PLPP4: variants seen among roughly 807,000 people sequenced by gnomAD.
PLPP4 encodes the protein diacylglycerol pyrophosphate like 2.
PLPP4 carries 20 observed loss-of-function variants against 32.2 expected under a neutral mutation model. That is an observed-to-expected ratio of 0.62 (90% CI 0.44 to 0.90). The LOEUF (loss-of-function observed/expected upper bound fraction) is 0.90, where lower values mean the gene tolerates loss of function less well. PLPP4 is among the 40% of genes least tolerant of loss of function. PLPP4 has a pLI of 0.00. For synonymous variants in PLPP4, 127 were observed against 133.0 expected (o/e 0.95, Z 0.31); for missense variants, 257 against 353.1 (o/e 0.73, Z 2.18).
At chr10:120,568,335 C>T (rs1848779316) in intron 5 of PLPP4, among the ~76,000 whole-genome samples, 2 of 152,210 alleles carry the variant, frequency 1.3e-5, no homozygotes, top group South Asian at 2.1e-4. Flanking sequence ...GGTTCTTCTT[C>T]TCTAGCAAAC....
At chr10:120,486,524 G>A (rs971485160) in intron 1 of PLPP4, among the ~76,000 whole-genome samples, 5 of 152,178 alleles carry the variant, frequency 3.3e-5, no homozygotes, top group Non-Finnish European at 5.9e-5. Flanking sequence ...TGGTTGTGAG[G>A]TTGAAAAGAC....
chr10:120,590,248 CCTCATACAGTGAATT>C lies in PLPP4; in HGVS notation c.*747_*761del, dbSNP rs1266001197. Reference sequence around the variant, plus strand: ...TTATGGAGCCACTTCTGTAGCTCTGCCTCATACAGTGAATTTTTGGGGCACGGGGGCTTTACTTGG... The same window carrying C: ...TTATGGAGCCACTTCTGTAGCTCTGCTTTGGGGCACGGGGGCTTTACTTGG... On this transcript the variant is annotated 3_prime_UTR_variant, in exon 7 of 7. Transcript: ENST00000398250. 1.3e-5 allele frequency among the ~76,000 whole-genome samples: 2 copies of C among 152,158 alleles called. No homozygotes were observed. Among genetic ancestry groups the C allele is most frequent in the Non-Finnish European group, 2.9e-5 (2 of 68,038 alleles).
chr10:120,460,036 C>G (rs1337920002), intron 1 of PLPP4, among the ~76,000 whole-genome samples: 2 of 152,152 alleles, frequency 1.3e-5, no homozygotes, highest in Non-Finnish European at 2.9e-5. Flanking sequence ...ACCCCCGCTC[C>G]CGCAACCAAC....
chr10:120,550,018 G>A (rs1314129833), intron 5 of PLPP4, among the ~76,000 whole-genome samples: 1 of 151,822 alleles, frequency 6.6e-6, no homozygotes, highest in Non-Finnish European at 1.5e-5. Context: ...AAAATAAAAG[G>A]CAAGGAAGAA....
At chr10:120,502,595 C>T (rs1328938701) in intron 1 of PLPP4, among the ~76,000 whole-genome samples, 1 of 152,084 alleles carries the variant, frequency 6.6e-6, no homozygotes, top group Non-Finnish European at 1.5e-5. Flanking sequence ...CAGTGACAGC[C>T]CTGGAGTGGC....
At chr10:120,579,227 A>C (rs368029235) in intron 6 of PLPP4, among the ~76,000 whole-genome samples, 28 of 152,272 alleles carry the variant, frequency 1.8e-4, no homozygotes, top group African/African-American at 6.3e-4. Context: ...CTCTAATCAT[A>C]GGTCATTTTA....
At chr10:120,497,991 G>A (rs1845051852) in intron 1 of PLPP4, among the ~76,000 whole-genome samples, 1 of 151,938 alleles carries the variant, frequency 6.6e-6, no homozygotes, top group African/African-American at 2.4e-5. Context: ...AGTGAGCAGA[G>A]ATCGCACCAC....
intron 5 of PLPP4, among the ~76,000 whole-genome samples, chr10:120,523,828 C>G (rs1301300607): frequency 1.3e-5 from 2 of 152,188 alleles, no homozygotes; most frequent in African/African-American, 4.8e-5. Flanking sequence ...GCACAATTTA[C>G]TGTCTACTGT....
intron 5 of PLPP4, among the ~76,000 whole-genome samples, chr10:120,537,015 C>T (rs1847062557): frequency 6.6e-6 from 1 of 152,124 alleles, no homozygotes; most frequent in African/African-American, 2.4e-5. Context: ...GTTAGGATGG[C>T]TATTATCAAA....
intron 5 of PLPP4, among the ~76,000 whole-genome samples, chr10:120,530,125 G>C (rs1303747962): frequency 6.6e-6 from 1 of 152,148 alleles, no homozygotes; most frequent in East Asian, 1.9e-4. Context: ...CAATGATGAT[G>C]ATTCTTAAAG....
intron 5 of PLPP4, among the ~76,000 whole-genome samples, chr10:120,541,152 G>C (rs551145815): frequency 6.6e-6 from 1 of 152,178 alleles, no homozygotes; most frequent in Non-Finnish European, 1.5e-5. Context: ...TCGTATTTAA[G>C]TATGTTTCTA....
intron 3 of PLPP4, among the ~76,000 whole-genome samples, chr10:120,517,033 G>T (rs1318455272): frequency 6.6e-6 from 1 of 152,162 alleles, no homozygotes; most frequent in Non-Finnish European, 1.5e-5. Flanking sequence ...ACATTTTCCA[G>T]CTCAGCTATT....
At chr10:120,515,077 G>T (rs543273897) in intron 3 of PLPP4, among the ~76,000 whole-genome samples, 37 of 152,158 alleles carry the variant, frequency 2.4e-4, no homozygotes, top group African/African-American at 8.9e-4. Flanking sequence ...CACAGAGAAC[G>T]CTTCCTATAT....
chr10:120,573,768 AGT>A (rs751137658), intron 5 of PLPP4, among the ~76,000 whole-genome samples: 12 of 152,182 alleles, frequency 7.9e-5, no homozygotes, highest in East Asian at 3.9e-4. Flanking sequence ...CTCCAAGTGC[AGT>A]GTGTGCACAG....
intron 5 of PLPP4, among the ~76,000 whole-genome samples, chr10:120,555,145 A>T (rs1031797970): frequency 1.3e-5 from 2 of 152,132 alleles, no homozygotes; most frequent in Non-Finnish European, 2.9e-5. Context: ...TAAACTAAAA[A>T]TACTGAAACC....
chr10:120,569,417 A>G (rs1204435020), intron 5 of PLPP4, among the ~76,000 whole-genome samples: 1 of 152,114 alleles, frequency 6.6e-6, no homozygotes, highest in Non-Finnish European at 1.5e-5. Flanking sequence ...GCCTGAGTTG[A>G]TTCTTTTTCT....
At position 120,525,901 on chromosome 10, in the gene PLPP4, A is replaced by T. The variant is rs147215596; in HGVS notation, c.445+4806A>T. 2.3e-3 allele frequency among the ~76,000 whole-genome samples: 346 copies of T among 151,404 alleles called. 3 individuals carry two copies. Among genetic ancestry groups the T allele is most frequent in the African/African-American group, 8.0e-3 (330 of 41,198 alleles). Reference sequence around the variant, plus strand: ...GTCCACAATGATGTACCTTACCGGGATTTGTTTTTGGTATTTATCGTTCTG... The same window carrying T: ...GTCCACAATGATGTACCTTACCGGGTTTTGTTTTTGGTATTTATCGTTCTG... On this transcript the variant is annotated intron_variant, in intron 5 of 6. Transcript: ENST00000398250.
At chr10:120,471,388 A>G (rs1014392796) in intron 1 of PLPP4, among the ~76,000 whole-genome samples, 1 of 151,500 alleles carries the variant, frequency 6.6e-6, no homozygotes, top group African/African-American at 2.4e-5. Flanking sequence ...CTTCTTTTTT[A>G]CTTTAGTAAT....
chr10:120,501,972 G>A (rs1845276440), intron 1 of PLPP4, among the ~76,000 whole-genome samples: 1 of 152,200 alleles, frequency 6.6e-6, no homozygotes, highest in South Asian at 2.1e-4. Context: ...GGGGCAGAGA[G>A]CAGCTGGGGC....
Sources: allele counts gnomAD v4.1 joint callset (sites outside exome capture counted in the v4.1 genomes callset), GRCh38; gene constraint gnomAD v4.1.1; transcripts MANE v1.5; gene names NCBI Gene and HGNC (gene_info 2026-07-23, HGNC 2026-07-21).